The following ADSS1 variants were observed in gnomAD, a reference collection of about 807,000 sequenced individuals.
ADSS1 encodes adenylosuccinate synthetase isozyme 1.
In ADSS1, 57 loss-of-function variants were observed where a neutral mutation model predicts 59.1. The ratio of observed to expected loss-of-function variants is 0.97; its 90% CI spans 0.78 to 1.20. The LOEUF (loss-of-function observed/expected upper bound fraction) is 1.20. Ranked by LOEUF, ADSS1 falls within the 50% of genes most tolerant of loss-of-function variation. The probability of loss-of-function intolerance (pLI) is 0.00; values close to 1 mark genes in which losing one functional copy is unlikely to be tolerated. For synonymous variants in ADSS1, 247 were observed against 249.4 expected (o/e 0.99, Z 0.09); for missense variants, 603 against 610.3 (o/e 0.99, Z 0.13).
rs1054369546 is a variant in ADSS1, at chr14:104,740,746, A to G, written c.584+38A>G. 11 of 1,613,056 alleles carry G rather than the reference A, an allele frequency of 6.8e-6. No individual in the cohort carries two copies. In the African/African-American group the frequency reaches 1.5e-4, roughly 22 times the overall value. Reference sequence around the variant, plus strand: ...TCTGCAGTCCCCGGGGAGGATGGGGAGAAGTTGCCGGAAGGGACTGTGGCT... The same window carrying G: ...TCTGCAGTCCCCGGGGAGGATGGGGGGAAGTTGCCGGAAGGGACTGTGGCT... On this transcript the variant is annotated intron_variant, in intron 6 of 12. Transcript: ENST00000330877. The surrounding 1 kb of genome is among the most constrained non-coding windows in gnomAD (Gnocchi z 4.8).
chr14:104,744,633 C>A, intron 10 of ADSS1, 179 bp from the exon 11 acceptor site: 1 of 593,760 alleles, frequency 1.7e-6, no homozygotes, highest in Non-Finnish European at 3.0e-6. Flanking sequence ...CTAGCTTGCC[C>A]GCCACTCATC....
At chr14:104,739,239 C>T (rs1891241112) in intron 3 of ADSS1, 89 bp from the exon 4 acceptor site, 3 of 1,404,420 alleles carry the variant, frequency 2.1e-6, no homozygotes, top group Non-Finnish European at 2.9e-6. Flanking sequence ...TGGATGGGAG[C>T]CGGGCGAGCT....
chr14:104,743,723 G>A, intron 10 of ADSS1, among the ~76,000 whole-genome samples: 1 of 152,246 alleles, frequency 6.6e-6, no homozygotes, highest in East Asian at 1.9e-4. Flanking sequence ...TCTTTCACCA[G>A]GGTTGAGAGC....
rs762127530 is a variant in ADSS1 at position 104,742,011 on chromosome 14, C to T, written c.948+9C>T. The T allele has an allele frequency of 1.9e-6, 3 of 1,612,280 alleles. No homozygotes were observed. The highest frequency in any genetic ancestry group is 1.7e-6 in the Non-Finnish European group (2 of 1,179,688). On this transcript the variant is annotated intron_variant, in intron 9 of 12. Transcript: ENST00000330877. ...CCACCGAGCAGATCAACGTGAGTCCCCAGCCCCTCGGGACCCCGTGGGAGG... is the reference window on the plus strand; with the variant it reads ...CCACCGAGCAGATCAACGTGAGTCCTCAGCCCCTCGGGACCCCGTGGGAGG...
At chr14:104,745,085 C>T in intron 11 of ADSS1, 176 bp downstream of exon 11, 1 of 609,660 alleles carries the variant, frequency 1.6e-6, no homozygotes, top group Non-Finnish European at 2.9e-6. Context: ...GGTTTCTCCC[C>T]ACAGCGTTCC....
In ADSS1 at chr14:104,745,380, CCTT is replaced by C. The variant is rs139174753; in HGVS notation, c.1171+477_1171+479del. 1,267 of 156,498 alleles carry C rather than the reference CCTT, an allele frequency of 8.1e-3. 23 individuals are homozygous for C. Among genetic ancestry groups the C allele is most frequent in the African/African-American group, 0.029 (1,200 of 41,532 alleles). The allele number at this position is 156,498 out of a possible 1,614,324, so 9.7% of individuals were successfully genotyped here. A position where few individuals can be genotyped will look rare whatever the true frequency, so the allele number is the denominator to read the frequency against. On this transcript the variant is annotated intron_variant, in intron 11 of 12. Coordinates refer to ENST00000330877, the MANE Select transcript of ADSS1 (RefSeq NM_152328.5). ...AACCGGGATCCCTGCTCCATGCACCCCTTCTTCTGGAAAGCATGAAGGAGGTGC... is the reference window on the plus strand; with the variant it reads ...AACCGGGATCCCTGCTCCATGCACCCCTTCTGGAAAGCATGAAGGAGGTGC...
chr14:104,739,908 G>A, intron 5 of ADSS1, 92 bp downstream of exon 5: 1 of 1,385,672 alleles, frequency 7.2e-7, no homozygotes, highest in Non-Finnish European at 1.0e-6. Flanking sequence ...GGCACAACGA[G>A]GAGGGTACCT....
chr14:104,746,727 C>G (rs1891574087), intron 12 of ADSS1, among the ~76,000 whole-genome samples: 1 of 152,220 alleles, frequency 6.6e-6, no homozygotes, highest in Non-Finnish European at 1.5e-5. Flanking sequence ...CTAACGTTGC[C>G]ATTTCCAAGG....
At chr14:104,744,111 A>G (rs1488789150) in intron 10 of ADSS1, among the ~76,000 whole-genome samples, 1 of 152,156 alleles carries the variant, frequency 6.6e-6, no homozygotes, top group African/African-American at 2.4e-5. Context: ...GAAGGTGACT[A>G]GGACAAGGGT....
chr14:104,735,013 G>C lies in ADSS1; in HGVS notation c.193-7G>C, dbSNP rs766570941. The C allele has an allele frequency of 1.2e-6, 2 of 1,612,374 alleles. No individual in the cohort carries two copies. The highest frequency in any genetic ancestry group is 1.7e-6 in the Non-Finnish European group (2 of 1,178,772). Reference sequence around the variant, plus strand: ...GTGCCTTCAGCTCAGCCGGGTTTCTGTTCCAGGGGGGCAACAACGCCGGCC... The same window carrying C: ...GTGCCTTCAGCTCAGCCGGGTTTCTCTTCCAGGGGGGCAACAACGCCGGCC... On this transcript the variant is annotated splice_polypyrimidine_tract_variant and splice_region_variant and intron_variant, in intron 1 of 12. Coordinates refer to ENST00000330877, the MANE Select transcript of ADSS1 (RefSeq NM_152328.5).
Position 104,745,002 on chromosome 14 carries a change from C to T in ADSS1, c.1171+93C>T. 4 of 1,112,448 alleles carry T rather than the reference C, an allele frequency of 3.6e-6. No individual in the cohort carries two copies. In the Admixed American group the frequency reaches 8.0e-5, roughly 22 times the overall value. The allele number at this position is 1,112,448 out of a possible 1,614,324, so 68.9% of individuals were successfully genotyped here. A position where few individuals can be genotyped will look rare whatever the true frequency, so the allele number is the denominator to read the frequency against. ...TGACTTCTCAGAGAGGGGTGAGTTC[C>T]CACGTTCACAGGACACAGGGCAAGC... is the stretch of plus-strand genomic sequence containing the variant. On this transcript the variant is annotated intron_variant, in intron 11 of 12. Transcript: ENST00000330877.
Position 104,739,745 on chromosome 14 carries a change from G to A in ADSS1, c.410-5G>A, listed in dbSNP as rs750406939. The A allele has an allele frequency of 3.3e-5, 53 of 1,613,694 alleles. 1 individual carries two copies. The highest frequency in any genetic ancestry group is 6.6e-5 in the South Asian group (6 of 91,056). ...CCTGCTGCCCTCACCTGGCCCGCCC[G>A]ACAGTGTTTGATTTTCACCAGGCTG... is the stretch of plus-strand genomic sequence containing the variant. On this transcript the variant is annotated splice_polypyrimidine_tract_variant and splice_region_variant and intron_variant, in intron 4 of 12. Coordinates refer to ENST00000330877, the MANE Select transcript of ADSS1 (RefSeq NM_152328.5).
intron 1 of ADSS1, among the ~76,000 whole-genome samples, chr14:104,726,302 C>T (rs1157661386): frequency 6.6e-6 from 1 of 152,254 alleles, no homozygotes; most frequent in African/African-American, 2.4e-5. Context: ...TTGGAGCCCT[C>T]ACTGGTGCCA....
intron 10 of ADSS1, 81 bp downstream of exon 10, chr14:104,743,272 G>A: frequency 6.4e-7 from 1 of 1,563,766 alleles, no homozygotes; most frequent in African/African-American, 1.3e-5. Flanking sequence ...CTTGACGCAG[G>A]GGCTGAGGGC....
At position 104,735,013 on chromosome 14, in the gene ADSS1, G is replaced by A. The variant is rs766570941; in HGVS notation, c.193-7G>A. 1 of 1,612,374 alleles carries A rather than the reference G, an allele frequency of 6.2e-7. No individual in the cohort carries two copies. Among genetic ancestry groups the A allele is most frequent in the African/African-American group, 1.3e-5 (1 of 75,050 alleles). ...GTGCCTTCAGCTCAGCCGGGTTTCT[G>A]TTCCAGGGGGGCAACAACGCCGGCC... On this transcript the variant is annotated splice_polypyrimidine_tract_variant and splice_region_variant and intron_variant, in intron 1 of 12. Transcript: ENST00000330877.
Position 104,729,510 on chromosome 14 carries a change from GGGGGAGGAGCGTGGCGTCGGCGTCGT to G in ADSS1, c.192+5072_192+5097del, listed in dbSNP as rs1566793921. Among the ~76,000 whole-genome samples, 36 of 128,070 alleles carry G rather than the reference GGGGGAGGAGCGTGGCGTCGGCGTCGT, an allele frequency of 2.8e-4. 3 individuals are homozygous for G. The South Asian group carries it at 6.1e-3, about 22-fold the overall frequency. The allele number at this position is 128,070 out of a possible 152,430, so 84.0% of individuals were successfully genotyped here. A position where few individuals can be genotyped will look rare whatever the true frequency, so the allele number is the denominator to read the frequency against. ...GGGAGGGAGGAGGTAGCGTCGGCGT[GGGGGAGGAGCGTGGCGTCGGCGTCGT>G]GGGGAGGAGCGTGGCGTCGGCGTGG... On this transcript the variant is annotated intron_variant, in intron 1 of 12. Coordinates refer to ENST00000330877, the MANE Select transcript of ADSS1 (RefSeq NM_152328.5).
intron 1 of ADSS1, 25 bp downstream of exon 1, chr14:104,724,487 T>TGGC: frequency 8.7e-7 from 1 of 1,154,530 alleles, no homozygotes; most frequent in Non-Finnish European, 1.1e-6. Context: ...GCCGGGTCCC[T>TGGC]CCCCCACCGC....
chr14:104,741,698 C>T (rs191099812), intron 8 of ADSS1, 150 bp from the exon 9 acceptor site: 12 of 935,576 alleles, frequency 1.3e-5, no homozygotes, highest in Non-Finnish European at 1.9e-5. Flanking sequence ...TTCGGCCACT[C>T]CACCAGGACA....
Position 104,744,834 on chromosome 14 carries a change from A to ATCCTGGACG in ADSS1, c.1098_1106dup (p.Asp368_Leu370dup). ...CAGGCTGGCCCTGACGAAGCTGGACATCCTGGACGTACTGGGTGAGGTTAA... is the reference window on the plus strand; with the variant it reads ...CAGGCTGGCCCTGACGAAGCTGGACATCCTGGACGTCCTGGACGTACTGGGTGAGGTTAA... On this transcript the variant is annotated inframe_insertion, in exon 11 of 13. Coordinates refer to ENST00000330877, the MANE Select transcript of ADSS1 (RefSeq NM_152328.5). The ATCCTGGACG allele has an allele frequency of 6.2e-7, 1 of 1,614,198 alleles. No individual in the cohort carries two copies. The highest frequency in any genetic ancestry group is 8.5e-7 in the Non-Finnish European group (1 of 1,180,034).
Sources: allele counts gnomAD v4.1 joint callset (sites outside exome capture counted in the v4.1 genomes callset), GRCh38; gene constraint gnomAD v4.1.1; non-coding constraint Gnocchi (gnomAD v3.1); transcripts MANE v1.5; gene names NCBI Gene and HGNC (gene_info 2026-07-23, HGNC 2026-07-21).